The following SPG11 variants were observed in gnomAD, a reference collection of about 807,000 sequenced individuals.
SPG11 encodes spatacsin.
Under a neutral mutation model 274.0 loss-of-function variants are expected in SPG11, and 222 were observed. That is an observed-to-expected ratio of 0.81 (90% confidence interval 0.73 to 0.91). The LOEUF (loss-of-function observed/expected upper bound fraction) is 0.91. Among genes scored for constraint, SPG11 ranks in the 40% least tolerant of loss-of-function variants. The pLI, the probability that SPG11 is intolerant of heterozygous loss-of-function variation, is 0.00. For missense variants in SPG11, 3,114 were observed against 2,872.7 expected, an observed-to-expected ratio of 1.08 and a Z score of -1.92; for synonymous variants, 1,144 against 1,039.7, an observed-to-expected ratio of 1.10 and a Z score of -1.93.
At chr15:44,660,724 G>A in intron 1 of SPG11, 108 bp from the exon 2 acceptor site, 1 of 999,316 alleles carries the variant, frequency 1.0e-6, no homozygotes, top group East Asian at 2.6e-5. Context: ...AGTTGACCTG[G>A]TATAGTCATT....
chr15:44,565,921 G>A lies in SPG11; in HGVS notation c.6932C>T (p.Thr2311Ile), dbSNP rs1469300392. 1 of 1,613,856 alleles carries A rather than the reference G, an allele frequency of 6.2e-7. No homozygotes were observed. Among genetic ancestry groups the A allele is most frequent in the African/African-American group, 1.3e-5 (1 of 75,038 alleles). Residue 2311 changes from threonine to isoleucine, a missense_variant, in exon 38 of 40, where the codon ACA becomes ATA. Physicochemically the swap from Thr to Ile is moderately conservative, Grantham distance 89. Coordinates refer to ENST00000261866, the MANE Select transcript of SPG11 (RefSeq NM_025137.4). ...GTGGCGGCCCAAGTTGATGAGCATTGTGTTCTGGCCAGTGTTCAGAAAGTG... is the reference window on the plus strand; with the variant it reads ...GTGGCGGCCCAAGTTGATGAGCATTATGTTCTGGCCAGTGTTCAGAAAGTG... Reference protein sequence around the residue: ...QIHFLNTGQNTMLINLGRHKL... With the variant: ...QIHFLNTGQNIMLINLGRHKL...
In SPG11 at chr15:44,606,012, CATG is replaced by C; in HGVS notation, c.3520+10_3520+12del. On this transcript the variant is annotated intron_variant, in intron 20 of 39. Transcript: ENST00000261866. The stretch of plus-strand genomic sequence containing the variant: ...GCTAAAACATGTCTCAAGAAGTACC[CATG>C]ATGACTTACCTCCTATAGCTAGTGT... The C allele has an allele frequency of 1.2e-6, 2 of 1,610,166 alleles. No individual in the cohort carries two copies. Among genetic ancestry groups the C allele is most frequent in the South Asian group, 2.2e-5 (2 of 90,964 alleles).
intron 11 of SPG11, among the ~76,000 whole-genome samples, 177 bp downstream of exon 11, chr15:44,626,154 A>T (rs967996611): frequency 2.0e-5 from 3 of 152,148 alleles, no homozygotes; most frequent in Non-Finnish European, 4.4e-5. Flanking sequence ...CTGGGATTAT[A>T]GACATGAGCC....
intron 4 of SPG11, among the ~76,000 whole-genome samples, chr15:44,656,302 A>G (rs2084938243): frequency 6.6e-6 from 1 of 152,242 alleles, no homozygotes; most frequent in South Asian, 2.1e-4. Context: ...ACAAGTACTC[A>G]GCTGTCTGAC....
chr15:44,639,436 G>T (rs2084377261), intron 7 of SPG11, among the ~76,000 whole-genome samples: 1 of 152,170 alleles, frequency 6.6e-6, no homozygotes, highest in South Asian at 2.1e-4. Context: ...AGGCGTGGTG[G>T]TTCACGCCCG....
chr15:44,604,617 T>C (rs1016441722), intron 20 of SPG11, among the ~76,000 whole-genome samples: 9 of 152,144 alleles, frequency 5.9e-5, no homozygotes, highest in African/African-American at 2.2e-4. Flanking sequence ...TCAAATTAAA[T>C]ACAGGTTTCC....
At chr15:44,574,038 T>C (rs1212187310) in intron 31 of SPG11, among the ~76,000 whole-genome samples, 1 of 152,218 alleles carries the variant, frequency 6.6e-6, no homozygotes, top group Non-Finnish European at 1.5e-5. Context: ...AGTTTCACTC[T>C]TGTTGCCCAG....
At chr15:44,659,427 C>A in intron 2 of SPG11, 124 bp from the exon 3 acceptor site, 1 of 844,152 alleles carries the variant, frequency 1.2e-6, no homozygotes, top group East Asian at 2.7e-5. Flanking sequence ...TCTAACTTTA[C>A]GCAGTTATCG....
chr15:44,614,601 AAAATT>A (rs917563260), intron 16 of SPG11, among the ~76,000 whole-genome samples: 2 of 152,230 alleles, frequency 1.3e-5, no homozygotes, highest in Admixed American at 1.3e-4. Context: ...CTCCAGAATA[AAAATT>A]AAGTAGAATT....
At position 44,564,710 on chromosome 15, in the gene SPG11, A is replaced by C; in HGVS notation, c.7000-12T>G. 5 of 1,614,124 alleles carry C rather than the reference A, an allele frequency of 3.1e-6. No homozygotes were observed. In the South Asian group the frequency reaches 5.5e-5, roughly 18 times the overall value. On this transcript the variant is annotated splice_polypyrimidine_tract_variant and intron_variant, in intron 38 of 39. Transcript: ENST00000261866. ...GCCACAATAGAAGCCTTAAAAGGAG[A>C]GGTGAAGAAGGACACCATCAGAGCC...
chr15:44,576,738 A>G (rs1676273796), intron 30 of SPG11, among the ~76,000 whole-genome samples: 1 of 152,146 alleles, frequency 6.6e-6, no homozygotes, highest in Non-Finnish European at 1.5e-5. Flanking sequence ...TTTTTGTAAA[A>G]AATAAATATT....
At chr15:44,584,621 T>C (rs1235202987) in intron 29 of SPG11, 63 bp from the exon 30 acceptor site, 2 of 1,571,486 alleles carry the variant, frequency 1.3e-6, no homozygotes, top group Non-Finnish European at 1.7e-6. Flanking sequence ...TAAATGCTAA[T>C]GTTCCCTAAG....
rs2082503510 is a variant in SPG11 at position 44,574,951 on chromosome 15, T to TG, written c.5956dup (p.His1986ProfsTer14). The TG allele has an allele frequency of 6.2e-7, 1 of 1,614,018 alleles. No homozygotes were observed. Among genetic ancestry groups the TG allele is most frequent in the South Asian group, 1.1e-5 (1 of 91,088 alleles). On this transcript the variant is annotated frameshift_variant, in exon 31 of 40. Transcript: ENST00000261866. LOFTEE classifies it high-confidence loss of function. Reference sequence around the variant, plus strand: ...GACCTGTCGACAGTAGTTCTTCCCATGGAGGCATTTGCTTGTCAGCACTTC... The same window carrying TG: ...GACCTGTCGACAGTAGTTCTTCCCATGGGAGGCATTTGCTTGTCAGCACTTC...
intron 4 of SPG11, among the ~76,000 whole-genome samples, chr15:44,655,517 T>TTAA (rs1235633424): frequency 6.6e-6 from 1 of 152,224 alleles, no homozygotes; most frequent in African/African-American, 2.4e-5. Context: ...TGTAAACAGA[T>TTAA]TATGTAGAGT....
rs1160672319 is a variant in SPG11 at position 44,663,418 on chromosome 15, C to T, written c.230G>A (p.Arg77His). 3.7e-6 allele frequency: 6 copies of T among 1,605,932 alleles called. No individual in the cohort carries two copies. Among genetic ancestry groups the T allele is most frequent in the Admixed American group, 1.7e-5 (1 of 59,258 alleles). ...CCAGAAGGGGCCCTCCAGGCAGCAG[C>T]GACCCCCGCCCCGGCTGCCAGGCGT... Reference protein sequence around the residue: ...SLTPGSRGGGRCCLEGPFWHF... With the variant: ...SLTPGSRGGGHCCLEGPFWHF... Residue 77 changes from arginine to histidine, a missense_variant, in exon 1 of 40, where the codon CGC becomes CAC. Coordinates refer to ENST00000261866, the MANE Select transcript of SPG11 (RefSeq NM_025137.4).
At chr15:44,588,401 C>T (rs1161686781) in intron 28 of SPG11, among the ~76,000 whole-genome samples, 1 of 151,750 alleles carries the variant, frequency 6.6e-6, no homozygotes, top group Non-Finnish European at 1.5e-5. Flanking sequence ...GCTAAGGTTA[C>T]TTGCCATAGA....
At position 44,595,304 on chromosome 15, in the gene SPG11, T is replaced by C. The variant is rs1470921765; in HGVS notation, c.4590A>G (p.Arg1530=). The C allele has an allele frequency of 1.2e-6, 2 of 1,614,232 alleles. No individual in the cohort carries two copies. Among genetic ancestry groups the C allele is most frequent in the Admixed American group, 3.3e-5 (2 of 60,030 alleles). ...CTCTGATGAGAGTTTTGCTCTTTTG[T>C]CTTGTTAATAATGTTCTCCAGATGA... ...LSVIWRTLLT[R]QKSKTLIRGF... is the part of the protein sequence containing the mutation. The change falls in exon 26 of 40, where the codon AGA becomes AGG. Residue 1530 remains arginine, a synonymous_variant. Transcript: ENST00000261866.
At chr15:44,629,109 T>G in intron 9 of SPG11, 124 bp downstream of exon 9, 1 of 1,170,798 alleles carries the variant, frequency 8.5e-7, no homozygotes. Context: ...AACTACACAC[T>G]GACCTTACCC....
chr15:44,585,917 A>T, intron 28 of SPG11, 67 bp from the exon 29 acceptor site: 1 of 1,334,240 alleles, frequency 7.5e-7, no homozygotes, highest in Non-Finnish European at 1.1e-6. Context: ...TTCAAGAGTA[A>T]TACATATCAG....
Sources: gnomAD v4.1 joint callset for allele counts (sites outside exome capture counted in the v4.1 genomes callset) on GRCh38, gnomAD v4.1.1 for gene constraint, MANE v1.5 for transcripts, NCBI Gene and HGNC (gene_info 2026-07-23, HGNC 2026-07-21) for gene names.